The following PPP1R9A variants were observed in gnomAD, a reference collection of about 807,000 sequenced individuals.
The protein encoded by PPP1R9A is protein phosphatase 1 regulatory subunit 9A.
In PPP1R9A, 59 loss-of-function variants were observed where a neutral mutation model predicts 141.9. The observed-to-expected ratio is 0.42, with a 90% CI of 0.34 to 0.52. PPP1R9A has a LOEUF of 0.52. Among genes scored for constraint, PPP1R9A ranks in the 20% least tolerant of loss-of-function variants. PPP1R9A has a pLI of 0.10. For missense variants in PPP1R9A, 1,444 were observed against 1,611.9 expected (o/e 0.90, Z 1.78); for synonymous variants, 500 against 569.7 (o/e 0.88, Z 1.74).
chr7:95,064,376 A>G (rs896714520), intron 2 of PPP1R9A, among the ~76,000 whole-genome samples: 4 of 152,206 alleles, frequency 2.6e-5, no homozygotes, highest in African/African-American at 9.7e-5. Context: ...CATCACGAGT[A>G]TTTTCTCCGT....
intron 2 of PPP1R9A, among the ~76,000 whole-genome samples, chr7:94,997,795 G>A (rs1802383405): frequency 6.6e-6 from 1 of 152,086 alleles, no homozygotes; most frequent in African/African-American, 2.4e-5. Context: ...ACAAACTCTG[G>A]CCTCTTCAGT....
At chr7:95,196,091 G>GTA (rs1368813122) in intron 5 of PPP1R9A, among the ~76,000 whole-genome samples, 1 of 151,614 alleles carries the variant, frequency 6.6e-6, no homozygotes, top group East Asian at 1.9e-4. Context: ...GTGTGTGTGT[G>GTA]TATGTGTATT....
chr7:95,017,740 A>G (rs1805309919), intron 2 of PPP1R9A, among the ~76,000 whole-genome samples: 1 of 152,232 alleles, frequency 6.6e-6, no homozygotes, highest in African/African-American at 2.4e-5. Flanking sequence ...ACATTTTGGT[A>G]TGATGAAATT....
intron 2 of PPP1R9A, among the ~76,000 whole-genome samples, chr7:94,954,548 A>C (rs1261145157): frequency 6.6e-6 from 1 of 151,776 alleles, no homozygotes; most frequent in East Asian, 1.9e-4. Flanking sequence ...TTATTTTTTA[A>C]GAATGTCTTA....
chr7:95,110,799 C>T (rs1820419301), intron 2 of PPP1R9A, among the ~76,000 whole-genome samples: 1 of 152,088 alleles, frequency 6.6e-6, no homozygotes, highest in African/African-American at 2.4e-5. Flanking sequence ...AGGTCAGGTT[C>T]AGTGATCTTA....
intron 2 of PPP1R9A, among the ~76,000 whole-genome samples, chr7:94,933,197 A>G (rs894282363): frequency 4.6e-5 from 7 of 152,172 alleles, no homozygotes; most frequent in Non-Finnish European, 1.0e-4. Context: ...TTCTTTGGGA[A>G]TGTAGTTTGC....
chr7:94,965,466 G>A (rs1798101101), intron 2 of PPP1R9A, among the ~76,000 whole-genome samples: 2 of 152,086 alleles, frequency 1.3e-5, no homozygotes, highest in South Asian at 4.1e-4. Context: ...TTATGTTTAA[G>A]TCTGTAATCC....
chr7:95,234,408 G>T (rs946281273), intron 8 of PPP1R9A, among the ~76,000 whole-genome samples: 10 of 152,070 alleles, frequency 6.6e-5, no homozygotes, highest in Non-Finnish European at 1.3e-4. Flanking sequence ...ATCGAATCAA[G>T]AACTCAACGC....
intron 2 of PPP1R9A, among the ~76,000 whole-genome samples, chr7:94,999,125 A>G (rs374770239): frequency 6.6e-6 from 1 of 152,154 alleles, no homozygotes; most frequent in Non-Finnish European, 1.5e-5. Flanking sequence ...TATTTGGACT[A>G]TATTGTGATG....
chr7:94,931,867 C>T (rs1475249035), intron 2 of PPP1R9A, among the ~76,000 whole-genome samples: 2 of 152,148 alleles, frequency 1.3e-5, no homozygotes, highest in African/African-American at 2.4e-5. Context: ...TGTGAGCCAC[C>T]GTGCCCGACT....
At chr7:95,062,148 C>T (rs530883458) in intron 2 of PPP1R9A, among the ~76,000 whole-genome samples, 1 of 152,214 alleles carries the variant, frequency 6.6e-6, no homozygotes, top group Admixed American at 6.5e-5. Context: ...TGCTTGCAGT[C>T]AGGAGCATGC....
At chr7:95,154,115 GT>G (rs957826136) in intron 4 of PPP1R9A, among the ~76,000 whole-genome samples, 2 of 149,838 alleles carry the variant, frequency 1.3e-5, no homozygotes, top group Non-Finnish European at 3.0e-5. Context: ...TTTAGTTGTG[GT>G]TTTTTTCTTT....
In PPP1R9A at chr7:94,968,318, G is replaced by A. The variant is rs982525728; in HGVS notation, c.1395+56810G>A. Among the ~76,000 whole-genome samples the A allele has an allele frequency of 4.3e-3, 643 of 151,034 alleles. 3 individuals are homozygous for A. The highest frequency in any genetic ancestry group is 0.015 in the African/African-American group (619 of 41,326). On this transcript the variant is annotated intron_variant, in intron 2 of 19. Transcript: ENST00000433360. ...CTCCCAAGTAGCTGGGACTACAGGCGCCCGCCACTACGCCCGGCTAATTTT... is the reference window on the plus strand; with the variant it reads ...CTCCCAAGTAGCTGGGACTACAGGCACCCGCCACTACGCCCGGCTAATTTT...
At chr7:95,072,575 A>T (rs1813996910) in intron 2 of PPP1R9A, among the ~76,000 whole-genome samples, 2 of 134,804 alleles carry the variant, frequency 1.5e-5, no homozygotes, top group South Asian at 4.3e-4. Flanking sequence ...GCAATATCTC[A>T]TTATAGGAAA....
At chr7:95,007,159 G>A (rs1803734423) in intron 2 of PPP1R9A, among the ~76,000 whole-genome samples, 1 of 152,108 alleles carries the variant, frequency 6.6e-6, no homozygotes, top group Non-Finnish European at 1.5e-5. Context: ...ATCGTGCCCG[G>A]CCATAATAAA....
At chr7:95,216,000 G>T (rs1793320012) in intron 7 of PPP1R9A, among the ~76,000 whole-genome samples, 1 of 152,044 alleles carries the variant, frequency 6.6e-6, no homozygotes, top group African/African-American at 2.4e-5. Context: ...GTCAATTTTG[G>T]CTTTTGTTGC....
chr7:95,072,622 A>C (rs1232584587), intron 2 of PPP1R9A, among the ~76,000 whole-genome samples: 2 of 128,490 alleles, frequency 1.6e-5, no homozygotes, highest in Non-Finnish European at 3.1e-5. Flanking sequence ...AAAATGTAAA[A>C]TTTTGAAATT....
intron 5 of PPP1R9A, among the ~76,000 whole-genome samples, chr7:95,162,583 CT>C (rs201174615): frequency 6.6e-6 from 1 of 151,636 alleles, no homozygotes; most frequent in African/African-American, 2.4e-5. Context: ...GAAATCAGGT[CT>C]TTTTTTTGCT....
chr7:95,269,254 A>C lies in PPP1R9A; in HGVS notation c.2871A>C (p.Pro957=). ...YNHMHITKLL[P]PKGLRTSSPE... ...ACATGCATATTACCAAATTACTTCC[A>C]CCTAAGGGTTTGAGAACGTCTTCTC... is the stretch of plus-strand genomic sequence containing the variant. Residue 957 remains proline, a synonymous_variant, in exon 14 of 20, where the codon CCA becomes CCC. Coordinates refer to ENST00000433360, the MANE Select transcript of PPP1R9A (RefSeq NM_001166160.2). 1.3e-6 allele frequency: 2 copies of C among 1,568,324 alleles called. No homozygotes were observed. The highest frequency in any genetic ancestry group is 1.7e-6 in the Non-Finnish European group (2 of 1,152,062).
Sources: gnomAD v4.1 joint callset for allele counts (sites outside exome capture counted in the v4.1 genomes callset) on GRCh38, gnomAD v4.1.1 for gene constraint, MANE v1.5 for transcripts, NCBI Gene and HGNC (gene_info 2026-07-23, HGNC 2026-07-21) for gene names.